NKAIN2: variants seen among roughly 807,000 people sequenced by gnomAD.
The protein encoded by NKAIN2 is sodium/potassium transporting ATPase interacting 2, also known as sodium/potassium-transporting ATPase subunit beta-1-interacting protein 2.
In NKAIN2, 14 loss-of-function variants were observed where a neutral mutation model predicts 32.6. That is an observed-to-expected ratio of 0.43 (90% CI 0.28 to 0.67). The LOEUF is 0.67. Ranked by LOEUF, NKAIN2 falls within the 30% of genes least tolerant of loss-of-function variation. The pLI is 0.17. For missense variants in NKAIN2, 198 were observed against 258.3 expected, an observed-to-expected ratio of 0.77 and a Z score of 1.60; for synonymous variants, 80 against 87.2, an observed-to-expected ratio of 0.92 and a Z score of 0.46.
At chr6:124,140,695 T>A (rs1028291568) in intron 1 of NKAIN2, among the ~76,000 whole-genome samples, 1 of 152,008 alleles carries the variant, frequency 6.6e-6, no homozygotes, top group Non-Finnish European at 1.5e-5. Context: ...GCTATTTTTT[T>A]AAAAAAAGTG....
intron 1 of NKAIN2, among the ~76,000 whole-genome samples, chr6:124,145,863 G>C (rs374689289): frequency 3.3e-5 from 5 of 152,168 alleles, no homozygotes; most frequent in African/African-American, 7.2e-5. Flanking sequence ...GAATATGGTG[G>C]GAGTCTCAGG....
chr6:124,484,646 A>G (rs557324101), intron 3 of NKAIN2, among the ~76,000 whole-genome samples: 17 of 152,332 alleles, frequency 1.1e-4, no homozygotes, highest in African/African-American at 4.1e-4. Context: ...CCAAGGCAAG[A>G]TATATGTGAG....
At chr6:124,013,546 T>A (rs1370929097) in intron 1 of NKAIN2, among the ~76,000 whole-genome samples, 1 of 152,194 alleles carries the variant, frequency 6.6e-6, no homozygotes, top group African/African-American at 2.4e-5. Flanking sequence ...TCAGTTTTAT[T>A]TGTAAAGACC....
chr6:123,901,208 C>T (rs1253207008), intron 1 of NKAIN2, among the ~76,000 whole-genome samples: 1 of 152,114 alleles, frequency 6.6e-6, no homozygotes, highest in Non-Finnish European at 1.5e-5. Flanking sequence ...GTTTTGTGCT[C>T]CTGTCCCTTT....
At chr6:124,360,360 T>G (rs2114270688) in intron 3 of NKAIN2, among the ~76,000 whole-genome samples, 1 of 152,278 alleles carries the variant, frequency 6.6e-6, no homozygotes, top group East Asian at 1.9e-4. Context: ...ATGAACTCTC[T>G]GCCATATGCT....
At position 124,418,598 on chromosome 6, in the gene NKAIN2, C is replaced by A. The variant is rs531248159; in HGVS notation, c.273+63251C>A. Among the ~76,000 whole-genome samples the A allele has an allele frequency of 1.4e-4, 21 of 147,778 alleles. No homozygotes were observed. The East Asian group carries it at 3.9e-3, about 28-fold the overall frequency. Reference sequence around the variant, plus strand: ...ATATCTATAAACTATATATATAAAACTATACAGTTAACTTGAGCAAATCGT... The same window carrying A: ...ATATCTATAAACTATATATATAAAAATATACAGTTAACTTGAGCAAATCGT... On this transcript the variant is annotated intron_variant, in intron 3 of 6. Transcript: ENST00000368417.
At chr6:124,112,995 G>A (rs1311625433) in intron 1 of NKAIN2, among the ~76,000 whole-genome samples, 3 of 151,806 alleles carry the variant, frequency 2.0e-5, no homozygotes, top group Non-Finnish European at 2.9e-5. Flanking sequence ...TTAATTCATT[G>A]TCAGGTTAAC....
intron 3 of NKAIN2, among the ~76,000 whole-genome samples, chr6:124,469,006 T>C (rs541927918): frequency 1.5e-4 from 23 of 152,324 alleles, no homozygotes; most frequent in African/African-American, 5.1e-4. Flanking sequence ...AATCTACTTA[T>C]ATCAATTCTG....
rs565975828 is a variant in NKAIN2, at chr6:123,843,349, A to G, written c.54+39095A>G. ...GCTGGAAAGGGGATGGAGCAAGAAG[A>G]TAATCTTCCCCTGGAGTTTGGCTGG... On this transcript the variant is annotated intron_variant, in intron 1 of 6. Transcript: ENST00000368417. 1.1e-3 allele frequency among the ~76,000 whole-genome samples: 170 copies of G among 152,226 alleles called. 1 individual carries two copies. The highest frequency in any genetic ancestry group is 4.1e-3 in the African/African-American group (169 of 41,568).
chr6:124,637,118 A>G (rs1313436119), intron 3 of NKAIN2, among the ~76,000 whole-genome samples: 1 of 152,104 alleles, frequency 6.6e-6, no homozygotes, highest in Non-Finnish European at 1.5e-5. Flanking sequence ...CATTATATCA[A>G]CAGAAGTAAG....
At chr6:123,916,312 G>T (rs985149781) in intron 1 of NKAIN2, among the ~76,000 whole-genome samples, 5 of 152,100 alleles carry the variant, frequency 3.3e-5, no homozygotes, top group African/African-American at 1.2e-4. Context: ...GAGTGCAGTG[G>T]TGCAATCTCG....
At chr6:124,457,549 T>C (rs1208622895) in intron 3 of NKAIN2, among the ~76,000 whole-genome samples, 1 of 151,968 alleles carries the variant, frequency 6.6e-6, no homozygotes, top group Non-Finnish European at 1.5e-5. Flanking sequence ...ACTATATTTT[T>C]CGTGAACAGC....
intron 3 of NKAIN2, among the ~76,000 whole-genome samples, chr6:124,482,542 G>A (rs188851463): frequency 3.9e-5 from 6 of 152,230 alleles, no homozygotes; most frequent in Admixed American, 1.3e-4. Context: ...TCTTACGGGC[G>A]AAATCCTTAA....
At chr6:124,795,160 G>C (rs1779942875) in intron 5 of NKAIN2, among the ~76,000 whole-genome samples, 1 of 152,166 alleles carries the variant, frequency 6.6e-6, no homozygotes, top group African/African-American at 2.4e-5. Flanking sequence ...CCATTACTAA[G>C]AGCCTTATGA....
intron 1 of NKAIN2, among the ~76,000 whole-genome samples, chr6:124,114,735 A>C (rs1245402676): frequency 6.6e-6 from 1 of 152,160 alleles, no homozygotes; most frequent in East Asian, 1.9e-4. Context: ...CCAATAAAGG[A>C]GAGTTTTCAA....
chr6:123,859,382 T>G (rs2114974457), intron 1 of NKAIN2, among the ~76,000 whole-genome samples: 1 of 152,286 alleles, frequency 6.6e-6, no homozygotes, highest in East Asian at 1.9e-4. Flanking sequence ...ACAGTCATAT[T>G]GCAATGAGAC....
intron 5 of NKAIN2, among the ~76,000 whole-genome samples, chr6:124,803,288 G>C (rs1780351432): frequency 6.6e-6 from 1 of 152,096 alleles, no homozygotes; most frequent in Admixed American, 6.6e-5. Flanking sequence ...TTGCAACCCT[G>C]CCCAAATCTG....
intron 1 of NKAIN2, among the ~76,000 whole-genome samples, chr6:123,940,801 G>C (rs544177690): frequency 6.6e-6 from 1 of 152,000 alleles, no homozygotes; most frequent in African/African-American, 2.4e-5. Flanking sequence ...TGTACACTAA[G>C]ATTTTATAAA....
At chr6:124,514,572 A>T (rs1205042403) in intron 3 of NKAIN2, among the ~76,000 whole-genome samples, 1 of 152,098 alleles carries the variant, frequency 6.6e-6, no homozygotes, top group East Asian at 1.9e-4. Flanking sequence ...ACATACTGCT[A>T]GTATTTAGTT....
Sources: gnomAD v4.1 joint callset for allele counts (sites outside exome capture counted in the v4.1 genomes callset) on GRCh38, gnomAD v4.1.1 for gene constraint, MANE v1.5 for transcripts, NCBI Gene and HGNC (gene_info 2026-07-23, HGNC 2026-07-21) for gene names.